The following NRXN1 variants were observed in gnomAD, a reference collection of about 807,000 sequenced individuals.
The protein encoded by NRXN1 is neurexin 1, also known as neurexin-1.
Under a neutral mutation model 150.9 loss-of-function variants are expected in NRXN1, and 39 were observed. That is an observed-to-expected ratio of 0.26 (90% CI 0.20 to 0.34). The LOEUF is 0.34. Ranked by LOEUF, NRXN1 falls within the 10% of genes least tolerant of loss-of-function variation. The pLI, the probability that NRXN1 is intolerant of heterozygous loss-of-function variation, is 1.00. For missense variants in NRXN1, 1,815 were observed against 1,949.9 expected, an observed-to-expected ratio of 0.93 and a Z score of 1.30; for synonymous variants, 924 against 757.0, an observed-to-expected ratio of 1.22 and a Z score of -3.62.
intron 12 of NRXN1, among the ~76,000 whole-genome samples, chr2:50,521,224 G>A (rs1185011560): frequency 6.6e-6 from 1 of 152,044 alleles, no homozygotes; most frequent in Non-Finnish European, 1.5e-5. Context: ...CATTTCAAAA[G>A]CAATTTTAAC....
intron 5 of NRXN1, among the ~76,000 whole-genome samples, chr2:50,745,627 T>A (rs1346034373): frequency 6.6e-6 from 1 of 152,060 alleles, no homozygotes; most frequent in Non-Finnish European, 1.5e-5. Context: ...TTTAATTGAT[T>A]CACAGATCAG....
intron 15 of NRXN1, among the ~76,000 whole-genome samples, chr2:50,486,108 C>T (rs1232709870): frequency 6.6e-6 from 1 of 152,152 alleles, no homozygotes; most frequent in African/African-American, 2.4e-5. Context: ...TAACACAATA[C>T]ATTTTAAAGT....
At chr2:50,392,623 T>C (rs577625991) in intron 17 of NRXN1, among the ~76,000 whole-genome samples, 1 of 152,254 alleles carries the variant, frequency 6.6e-6, no homozygotes, top group Admixed American at 6.5e-5. Context: ...TGAATTGATA[T>C]ACAGTAATAG....
intron 17 of NRXN1, among the ~76,000 whole-genome samples, chr2:50,348,710 T>G (rs1347272364): frequency 6.6e-6 from 1 of 152,192 alleles, no homozygotes; most frequent in South Asian, 2.1e-4. Flanking sequence ...AATCTAGCAA[T>G]GCAAGTGAAC....
intron 12 of NRXN1, among the ~76,000 whole-genome samples, chr2:50,515,880 T>C (rs2092617111): frequency 6.6e-6 from 1 of 152,068 alleles, no homozygotes. Flanking sequence ...ACTTCCTACC[T>C]ACAAATGATG....
chr2:50,340,088 T>A (rs997301048), intron 17 of NRXN1, among the ~76,000 whole-genome samples: 2 of 152,168 alleles, frequency 1.3e-5, no homozygotes, highest in African/African-American at 4.8e-5. Flanking sequence ...CCTGACATAA[T>A]CATCACCTCT....
chr2:50,548,482 TAA>T (rs1356894604), intron 9 of NRXN1, among the ~76,000 whole-genome samples: 1 of 152,180 alleles, frequency 6.6e-6, no homozygotes, highest in Admixed American at 6.5e-5. Context: ...CATTTACAAT[TAA>T]AAGAGTGCCA....
At chr2:50,254,167 A>G (rs2067451233) in intron 17 of NRXN1, among the ~76,000 whole-genome samples, 1 of 151,820 alleles carries the variant, frequency 6.6e-6, no homozygotes. Flanking sequence ...CCAGGAATTT[A>G]TCCATATTCT....
chr2:50,514,506 C>T (rs184800200), intron 12 of NRXN1, among the ~76,000 whole-genome samples: 37 of 152,196 alleles, frequency 2.4e-4, no homozygotes, highest in Admixed American at 1.9e-3. Context: ...TGGGAATATC[C>T]GAGTTACAGT....
chr2:50,234,709 T>C (rs543470949), intron 18 of NRXN1, among the ~76,000 whole-genome samples: 323 of 152,098 alleles, frequency 2.1e-3, no homozygotes, highest in African/African-American at 7.3e-3. Flanking sequence ...GGACACGGTT[T>C]ACGAGCAAGG....
chr2:50,505,315 C>G (rs2092165057), intron 13 of NRXN1, among the ~76,000 whole-genome samples: 1 of 152,078 alleles, frequency 6.6e-6, no homozygotes, highest in Admixed American at 6.6e-5. Flanking sequence ...CTTCGAGTGC[C>G]ACTTACCTCA....
chr2:50,348,140 C>T (rs1468771620), intron 17 of NRXN1, among the ~76,000 whole-genome samples: 2 of 152,196 alleles, frequency 1.3e-5, no homozygotes, highest in African/African-American at 4.8e-5. Context: ...GGTGTTTAAA[C>T]TCAATCTGCT....
intron 17 of NRXN1, among the ~76,000 whole-genome samples, chr2:50,262,340 C>A (rs1237909808): frequency 6.6e-6 from 1 of 151,704 alleles, no homozygotes; most frequent in African/African-American, 2.4e-5. Flanking sequence ...AAATCATATA[C>A]CCTACATGGC....
At chr2:50,079,207 A>G (rs1697552988) in intron 19 of NRXN1, among the ~76,000 whole-genome samples, 1 of 151,894 alleles carries the variant, frequency 6.6e-6, no homozygotes, top group Admixed American at 6.5e-5. Context: ...AATTTGATCT[A>G]GTTCTGGCCC....
chr2:49,986,254 A>C (rs1680889277), intron 21 of NRXN1, among the ~76,000 whole-genome samples: 1 of 152,202 alleles, frequency 6.6e-6, no homozygotes, highest in South Asian at 2.1e-4. Context: ...GTTAAAAATA[A>C]TTGAAAACTC....
At chr2:50,652,450 C>T (rs956836053) in intron 5 of NRXN1, among the ~76,000 whole-genome samples, 2 of 151,990 alleles carry the variant, frequency 1.3e-5, no homozygotes, top group Non-Finnish European at 2.9e-5. Flanking sequence ...TATAGGTTTG[C>T]CTTTTTTGGA....
chr2:51,021,384 G>T (rs1669582725), intron 2 of NRXN1, among the ~76,000 whole-genome samples: 1 of 151,882 alleles, frequency 6.6e-6, no homozygotes, highest in Non-Finnish European at 1.5e-5. Flanking sequence ...CTATTTTCAG[G>T]TACTAATGTG....
intron 5 of NRXN1, among the ~76,000 whole-genome samples, chr2:50,719,989 C>T (rs375233195): frequency 6.6e-5 from 10 of 152,096 alleles, no homozygotes; most frequent in African/African-American, 2.2e-4. Context: ...CAGACGTGTA[C>T]AAATACACAC....
chr2:50,504,020 G>T (rs895649762), intron 13 of NRXN1, among the ~76,000 whole-genome samples: 8 of 151,270 alleles, frequency 5.3e-5, no homozygotes, highest in African/African-American at 1.7e-4. Flanking sequence ...ACAAACTGGT[G>T]ACTTTATATT....
Sources: allele counts gnomAD v4.1 joint callset (sites outside exome capture counted in the v4.1 genomes callset), GRCh38; gene constraint gnomAD v4.1.1; transcripts MANE v1.5; gene names NCBI Gene and HGNC (gene_info 2026-07-23, HGNC 2026-07-21).